LRIG1: variants seen among roughly 807,000 people sequenced by gnomAD.
LRIG1 encodes the protein leucine rich repeats and immunoglobulin like domains 1, also known as leucine-rich repeats and immunoglobulin-like domains protein 1.
LRIG1 carries 48 observed loss-of-function variants against 99.2 expected under a neutral mutation model. The ratio of observed to expected loss-of-function variants is 0.48; its 90% CI spans 0.38 to 0.62. The LOEUF (loss-of-function observed/expected upper bound fraction) is 0.62, where lower values mean the gene tolerates loss of function less well. LRIG1 is among the 20% of genes least tolerant of loss of function. The probability of loss-of-function intolerance (pLI) is 0.00; values close to 1 mark genes in which losing one functional copy is unlikely to be tolerated. For missense variants in LRIG1, 1,646 were observed against 1,434.4 expected (o/e 1.15, Z -2.38); for synonymous variants, 772 against 596.1 (o/e 1.29, Z -4.30).
intron 3 of LRIG1, among the ~76,000 whole-genome samples, chr3:66,434,463 A>C (rs551466126): frequency 2.0e-5 from 3 of 152,094 alleles, no homozygotes; most frequent in Non-Finnish European, 4.4e-5. Context: ...ATACAACACC[A>C]CGGTCAGGCG....
intron 1 of LRIG1, among the ~76,000 whole-genome samples, chr3:66,478,484 G>C (rs555246925): frequency 2.6e-5 from 4 of 152,154 alleles, no homozygotes; most frequent in African/African-American, 9.7e-5. Flanking sequence ...CACCTGCTGC[G>C]TGCCAGGAGG....
At chr3:66,414,711 T>C (rs1358673068) in intron 5 of LRIG1, among the ~76,000 whole-genome samples, 1 of 152,190 alleles carries the variant, frequency 6.6e-6, no homozygotes, top group Non-Finnish European at 1.5e-5. Context: ...GCGACCTCAG[T>C]GGATGTCTTT....
chr3:66,430,223 C>T (rs1031101832), intron 3 of LRIG1, among the ~76,000 whole-genome samples: 2 of 151,910 alleles, frequency 1.3e-5, no homozygotes, highest in African/African-American at 4.8e-5. Context: ...ACCAACCATC[C>T]AATTAAAAAC....
At chr3:66,405,581 G>C (rs948878415) in intron 8 of LRIG1, among the ~76,000 whole-genome samples, 1 of 152,192 alleles carries the variant, frequency 6.6e-6, no homozygotes, top group Non-Finnish European at 1.5e-5. Context: ...ATTCTGCCCC[G>C]AGAGAGCGGA....
intron 9 of LRIG1, among the ~76,000 whole-genome samples, chr3:66,402,697 G>A (rs943686315): frequency 2.0e-5 from 3 of 152,140 alleles, no homozygotes; most frequent in African/African-American, 7.2e-5. Flanking sequence ...GGCACTGGCT[G>A]CACTCCCCAC....
intron 1 of LRIG1, among the ~76,000 whole-genome samples, chr3:66,463,873 G>A (rs1010853988): frequency 6.6e-6 from 1 of 152,210 alleles, no homozygotes; most frequent in Admixed American, 6.5e-5. Flanking sequence ...CTAAATAAAA[G>A]TCAAACTACA....
At chr3:66,400,315 G>A (rs1023633089) in intron 9 of LRIG1, among the ~76,000 whole-genome samples, 2 of 152,176 alleles carry the variant, frequency 1.3e-5, no homozygotes, top group Non-Finnish European at 2.9e-5. Flanking sequence ...TCCCCTCCCC[G>A]TTATCATGTT....
intron 1 of LRIG1, among the ~76,000 whole-genome samples, chr3:66,467,357 A>ATTTT (rs11360909): frequency 1.0e-5 from 1 of 99,952 alleles, no homozygotes. Flanking sequence ...CACACTAGCT[A>ATTTT]TTTTTTTTTT....
At position 66,384,049 on chromosome 3, in the gene LRIG1, G is replaced by C; in HGVS notation, c.2013C>G (p.Ser671Arg). The change falls in exon 14 of 19, where the codon AGC becomes AGG. Residue 671 changes from serine (S) to arginine (R), a missense_variant. Transcript: ENST00000273261. Reference sequence around the variant, plus strand: ...AACCGGCTGAGTTCTGAGCAGTACAGCTGTAAACCCCTGCGTCATCTATTT... The same window carrying C: ...AACCGGCTGAGTTCTGAGCAGTACACCTGTAAACCCCTGCGTCATCTATTT... ...DVKIDDAGVY[S>R]CTAQNSAGSI... The C allele has an allele frequency of 6.2e-7, 1 of 1,614,074 alleles. No homozygotes were observed. The highest frequency in any genetic ancestry group is 8.5e-7 in the Non-Finnish European group (1 of 1,180,028).
At chr3:66,451,458 G>T in intron 3 of LRIG1, 101 bp downstream of exon 3, 1 of 878,628 alleles carries the variant, frequency 1.1e-6, no homozygotes, top group South Asian at 1.6e-5. Flanking sequence ...CTTCACCAGC[G>T]AGCACATGAA....
At chr3:66,491,583 A>G (rs1701102680) in intron 1 of LRIG1, among the ~76,000 whole-genome samples, 1 of 152,232 alleles carries the variant, frequency 6.6e-6, no homozygotes, top group Admixed American at 6.5e-5. Context: ...CACAGTTAAA[A>G]TGAATGTCAA....
At chr3:66,492,415 G>GT (rs952065621) in intron 1 of LRIG1, among the ~76,000 whole-genome samples, 352 of 151,870 alleles carry the variant, frequency 2.3e-3, no homozygotes, top group African/African-American at 8.2e-3. Context: ...GTTGTGAGTT[G>GT]TTTTTTTTCT....
chr3:66,392,642 C>G (rs1701668250), intron 12 of LRIG1, among the ~76,000 whole-genome samples: 1 of 151,924 alleles, frequency 6.6e-6, no homozygotes, highest in African/African-American at 2.4e-5. Context: ...GTGGGGATGA[C>G]AGATGTGAAA....
At chr3:66,448,540 C>T (rs1252540222) in intron 3 of LRIG1, among the ~76,000 whole-genome samples, 9 of 139,990 alleles carry the variant, frequency 6.4e-5, no homozygotes, top group African/African-American at 2.5e-5. Context: ...ACACAAGCTT[C>T]GAGGGTACTT....
chr3:66,384,629 G>A (rs1372246299), intron 13 of LRIG1, among the ~76,000 whole-genome samples: 2 of 152,040 alleles, frequency 1.3e-5, no homozygotes, highest in Non-Finnish European at 2.9e-5. Context: ...GAGAGGCTGT[G>A]GAGATGGAAT....
At chr3:66,442,399 T>C (rs1364338709) in intron 3 of LRIG1, among the ~76,000 whole-genome samples, 1 of 152,100 alleles carries the variant, frequency 6.6e-6, no homozygotes, top group African/African-American at 2.4e-5. Context: ...CACATGAGGC[T>C]TCCCAGTGGT....
At position 66,383,948 on chromosome 3, in the gene LRIG1, TCACACACACA is replaced by T. The variant is rs3830215; in HGVS notation, c.2071+33_2071+42del. The T allele has an allele frequency of 1.6e-4, 251 of 1,521,680 alleles. 1 individual carries two copies. The highest frequency in any genetic ancestry group is 1.9e-4 in the Non-Finnish European group (210 of 1,114,116). 94.3% of individuals were successfully genotyped at this position (1,521,680 alleles called of 1,614,324 possible). A position where few individuals can be genotyped will look rare whatever the true frequency, so the allele number is the denominator to read the frequency against. ...GCATTTGAGAGTCTCTCTCTCTCGC[TCACACACACA>T]CACACACACACACAGTAGAGCAATA... On this transcript the variant is annotated intron_variant, in intron 14 of 18. Coordinates refer to ENST00000273261, the MANE Select transcript of LRIG1 (RefSeq NM_015541.3).
chr3:66,494,292 C>T (rs1701179080), intron 1 of LRIG1, among the ~76,000 whole-genome samples: 1 of 152,174 alleles, frequency 6.6e-6, no homozygotes, highest in Non-Finnish European at 1.5e-5. Flanking sequence ...CAGGGATGGA[C>T]CACAGAATTA....
At chr3:66,381,359 A>C (rs1701051220) in intron 17 of LRIG1, 120 bp downstream of exon 17, 1 of 978,616 alleles carries the variant, frequency 1.0e-6, no homozygotes, top group Non-Finnish European at 1.5e-6. Flanking sequence ...GTATATACTG[A>C]ATACCAAATT....
Sources: gnomAD v4.1 joint callset for allele counts (sites outside exome capture counted in the v4.1 genomes callset) on GRCh38, gnomAD v4.1.1 for gene constraint, MANE v1.5 for transcripts, NCBI Gene and HGNC (gene_info 2026-07-23, HGNC 2026-07-21) for gene names.